NELL2: variants seen among roughly 807,000 people sequenced by gnomAD.
NELL2 encodes the protein neural EGFL like 2, also known as protein kinase C-binding protein NELL2.
Under a neutral mutation model 109.6 loss-of-function variants are expected in NELL2, and 41 were observed. That is an observed-to-expected ratio of 0.37 (90% confidence interval 0.29 to 0.49). The LOEUF (loss-of-function observed/expected upper bound fraction) is 0.49. Among genes scored for constraint, NELL2 ranks in the 20% least tolerant of loss-of-function variants. The pLI is 0.98. For synonymous variants in NELL2, 355 were observed against 344.7 expected, an observed-to-expected ratio of 1.03 and a Z score of -0.33; for missense variants, 900 against 1,008.3, an observed-to-expected ratio of 0.89 and a Z score of 1.45.
intron 15 of NELL2, among the ~76,000 whole-genome samples, chr12:44,585,849 C>T (rs2136217238): frequency 6.6e-6 from 1 of 151,670 alleles, no homozygotes; most frequent in East Asian, 2.0e-4. Flanking sequence ...AATCACTCTA[C>T]AATGCACAGA....
intron 13 of NELL2, among the ~76,000 whole-genome samples, chr12:44,625,839 A>G (rs1233730970): frequency 6.6e-6 from 1 of 152,090 alleles, no homozygotes; most frequent in Non-Finnish European, 1.5e-5. Flanking sequence ...CTATCTCACA[A>G]TCTTTCCTGA....
chr12:44,736,200 G>T (rs556306155), intron 9 of NELL2, among the ~76,000 whole-genome samples: 1 of 151,604 alleles, frequency 6.6e-6, no homozygotes, highest in Admixed American at 6.6e-5. Flanking sequence ...TAGTAGAGAC[G>T]GGGTTTCACC....
At chr12:44,553,891 G>A (rs775518299) in intron 15 of NELL2, among the ~76,000 whole-genome samples, 8 of 151,916 alleles carry the variant, frequency 5.3e-5, no homozygotes, top group African/African-American at 7.3e-5. Context: ...GCACACACAC[G>A]CACACATCTG....
intron 11 of NELL2, among the ~76,000 whole-genome samples, chr12:44,704,394 GC>G (rs1937738740): frequency 6.6e-6 from 1 of 152,074 alleles, no homozygotes; most frequent in Non-Finnish European, 1.5e-5. Flanking sequence ...CTAGAAATCT[GC>G]AAGGCAAAGT....
At chr12:44,813,508 G>T (rs1943244585) in intron 3 of NELL2, among the ~76,000 whole-genome samples, 1 of 151,788 alleles carries the variant, frequency 6.6e-6, no homozygotes, top group African/African-American at 2.4e-5. Context: ...AATTTTAAAG[G>T]TATAACTAGA....
At chr12:44,735,979 T>TAAAATTA (rs1939617145) in intron 9 of NELL2, among the ~76,000 whole-genome samples, 7 of 150,776 alleles carry the variant, frequency 4.6e-5, no homozygotes, top group Admixed American at 4.6e-4. Flanking sequence ...GTAAGTCAAT[T>TAAAATTA]AAAATTAAAA....
At chr12:44,695,294 A>G (rs553168107) in intron 12 of NELL2, among the ~76,000 whole-genome samples, 1 of 151,840 alleles carries the variant, frequency 6.6e-6, no homozygotes, top group Non-Finnish European at 1.5e-5. Context: ...CCGTCTCAAA[A>G]AAAAAAAAAA....
At chr12:44,733,193 T>A (rs1312351952) in intron 9 of NELL2, among the ~76,000 whole-genome samples, 1 of 152,006 alleles carries the variant, frequency 6.6e-6, no homozygotes, top group Non-Finnish European at 1.5e-5. Flanking sequence ...GCTCCAGTTA[T>A]CCCACTTGTG....
chr12:44,649,011 C>T (rs1947206084), intron 13 of NELL2, among the ~76,000 whole-genome samples: 2 of 151,156 alleles, frequency 1.3e-5, no homozygotes, highest in African/African-American at 4.9e-5. Flanking sequence ...GGCAATCCGC[C>T]CACCTTGGCC....
chr12:44,600,696 G>A (rs1292838999), intron 15 of NELL2, among the ~76,000 whole-genome samples: 3 of 152,180 alleles, frequency 2.0e-5, no homozygotes. Flanking sequence ...TCTACTATTT[G>A]AATGGCAGAA....
Position 44,821,885 on chromosome 12 carries a change from TTTTATTTATTTA to T in NELL2, c.185-5761_185-5750del, listed in dbSNP as rs199661897. On this transcript the variant is annotated intron_variant, in intron 2 of 19. Coordinates refer to ENST00000429094, the MANE Select transcript of NELL2 (RefSeq NM_001145108.2). ...AGTGTGCACCACCACGCCCGGCTGG[TTTTATTTATTTA>T]TTTATTTATTTATTTATTTATTTAT... Among the ~76,000 whole-genome samples, 490 of 141,320 alleles carry T rather than the reference TTTTATTTATTTA, an allele frequency of 3.5e-3. 3 individuals carry two copies. The highest frequency in any genetic ancestry group is 0.01 in the African/African-American group (392 of 38,060). The allele number at this position is 141,320 out of a possible 152,430, so 92.7% of individuals were successfully genotyped here.
At chr12:44,733,650 T>C (rs1256383668) in intron 9 of NELL2, among the ~76,000 whole-genome samples, 1 of 151,814 alleles carries the variant, frequency 6.6e-6, no homozygotes, top group African/African-American at 2.4e-5. Flanking sequence ...TCAATGTGCA[T>C]ATAGTTAACA....
chr12:44,683,492 T>C (rs963617794), intron 12 of NELL2, among the ~76,000 whole-genome samples: 7 of 152,012 alleles, frequency 4.6e-5, no homozygotes, highest in Non-Finnish European at 8.8e-5. Flanking sequence ...ATCCCTGTCT[T>C]GTGCCAGTTT....
In NELL2 at chr12:44,774,830, T is replaced by C. The variant is rs1941688533; in HGVS notation, c.911A>G (p.Glu304Gly). ...CTCLNGTIQC[E>G]TLICPNPDCP... ...GTCAGGATTTGGGCAGATTAGAGTT[T>C]CACACTGGATGGTTCCATTCTGAAA... The change falls in exon 9 of 20, where the codon GAA becomes GGA. Residue 304 changes from glutamate (E) to glycine (G), a missense_variant. Coordinates refer to ENST00000429094, the MANE Select transcript of NELL2 (RefSeq NM_001145108.2). 3.7e-6 allele frequency: 6 copies of C among 1,613,598 alleles called. No homozygotes were observed. The highest frequency in any genetic ancestry group is 5.1e-6 in the Non-Finnish European group (6 of 1,179,488).
At chr12:44,758,255 T>A (rs977982236) in intron 9 of NELL2, among the ~76,000 whole-genome samples, 1 of 152,180 alleles carries the variant, frequency 6.6e-6, no homozygotes, top group African/African-American at 2.4e-5. Flanking sequence ...TCACCCTGAG[T>A]GAAAGTTTGC....
intron 12 of NELL2, 34 bp from the exon 13 acceptor site, chr12:44,665,643 T>G (rs767839560): frequency 6.3e-7 from 1 of 1,588,850 alleles, no homozygotes; most frequent in East Asian, 2.2e-5. Context: ...AGGTCAACAG[T>G]GGGCAATATT....
chr12:44,773,218 G>A (rs1941617274), intron 9 of NELL2, among the ~76,000 whole-genome samples: 1 of 152,210 alleles, frequency 6.6e-6, no homozygotes, highest in South Asian at 2.1e-4. Context: ...GCTCACGCCT[G>A]TAATCCCAGC....
At chr12:44,585,284 T>C (rs1944452635) in intron 15 of NELL2, among the ~76,000 whole-genome samples, 1 of 152,052 alleles carries the variant, frequency 6.6e-6, no homozygotes, top group African/African-American at 2.4e-5. Context: ...TAGTAAAAGA[T>C]TGAAAACAAC....
rs1946432907 is a variant in NELL2, at chr12:44,630,913, C to T, written c.1445-19943G>A. ...TAATCACTGACTCAAGAATATGGTA[C>T]TCATTCCATGTCAACTTCATTTGTG... On this transcript the variant is annotated intron_variant, in intron 13 of 19. Coordinates refer to ENST00000429094, the MANE Select transcript of NELL2 (RefSeq NM_001145108.2). Among the ~76,000 whole-genome samples the T allele has an allele frequency of 2.0e-5, 3 of 152,044 alleles. No individual in the cohort carries two copies. In the South Asian group the frequency reaches 6.2e-4, roughly 31 times the overall value.
Sources: gnomAD v4.1 joint callset for allele counts (sites outside exome capture counted in the v4.1 genomes callset) on GRCh38, gnomAD v4.1.1 for gene constraint, MANE v1.5 for transcripts, NCBI Gene and HGNC (gene_info 2026-07-23, HGNC 2026-07-21) for gene names.